The following KCTD8 variants were observed in gnomAD, a reference collection of about 807,000 sequenced individuals.
KCTD8 encodes BTB/POZ domain-containing protein KCTD8.
In KCTD8, 27 loss-of-function variants were observed where a neutral mutation model predicts 31.5. That is an observed-to-expected ratio of 0.86 (90% CI 0.63 to 1.18). KCTD8 has a LOEUF of 1.18. Ranked by LOEUF, KCTD8 falls within the 50% of genes most tolerant of loss-of-function variation. The pLI is 0.00. For synonymous variants in KCTD8, 290 were observed against 280.0 expected (o/e 1.04, Z -0.36); for missense variants, 658 against 647.7 (o/e 1.02, Z -0.17).
At chr4:44,263,338 A>G (rs1716239914) in intron 1 of KCTD8, among the ~76,000 whole-genome samples, 1 of 152,148 alleles carries the variant, frequency 6.6e-6, no homozygotes, top group Non-Finnish European at 1.5e-5. Context: ...TCTTTCAAAG[A>G]GAATAAAAGG....
At chr4:44,190,701 A>C (rs1462975587) in intron 1 of KCTD8, among the ~76,000 whole-genome samples, 2 of 152,094 alleles carry the variant, frequency 1.3e-5, no homozygotes, top group Admixed American at 6.5e-5. Flanking sequence ...TTTGGCCAAA[A>C]AGCTCTCAGA....
chr4:44,391,397 C>T (rs1322636215), intron 1 of KCTD8, among the ~76,000 whole-genome samples: 1 of 151,946 alleles, frequency 6.6e-6, no homozygotes, highest in African/African-American at 2.4e-5. Flanking sequence ...CCTCTTCCAA[C>T]TCTGTCACCC....
chr4:44,326,622 C>T (rs1394638835), intron 1 of KCTD8, among the ~76,000 whole-genome samples: 2 of 151,790 alleles, frequency 1.3e-5, no homozygotes, highest in African/African-American at 4.8e-5. Flanking sequence ...ACAAATATGT[C>T]TTTCTTCCTC....
chr4:44,439,116 T>C (rs1438399265), intron 1 of KCTD8, among the ~76,000 whole-genome samples: 2 of 152,164 alleles, frequency 1.3e-5, no homozygotes, highest in African/African-American at 2.4e-5. Flanking sequence ...AACACAGTAC[T>C]ACTCTCCCTA....
At chr4:44,360,855 CTTATGT>C (rs1719475613) in intron 1 of KCTD8, among the ~76,000 whole-genome samples, 1 of 151,918 alleles carries the variant, frequency 6.6e-6, no homozygotes, top group Non-Finnish European at 1.5e-5. Context: ...ATTTCATTTA[CTTATGT>C]TTATATTTCT....
chr4:44,300,131 T>C (rs1354443253), intron 1 of KCTD8, among the ~76,000 whole-genome samples: 1 of 152,116 alleles, frequency 6.6e-6, no homozygotes, highest in East Asian at 1.9e-4. Flanking sequence ...CAAAATAACC[T>C]ACAGAGGTGT....
intron 1 of KCTD8, among the ~76,000 whole-genome samples, chr4:44,391,730 C>A (rs577389912): frequency 4.1e-4 from 62 of 151,888 alleles, no homozygotes; most frequent in Middle Eastern, 3.4e-3. Flanking sequence ...AAGTTTTTGA[C>A]TGCATGGGGA....
chr4:44,403,239 A>G (rs1301756551), intron 1 of KCTD8, among the ~76,000 whole-genome samples: 1 of 152,144 alleles, frequency 6.6e-6, no homozygotes, highest in East Asian at 1.9e-4. Flanking sequence ...CAAACCTCTA[A>G]CAGTACTGTA....
intron 1 of KCTD8, among the ~76,000 whole-genome samples, chr4:44,264,969 GACAA>G (rs940057951): frequency 2.6e-5 from 4 of 152,202 alleles, no homozygotes; most frequent in Admixed American, 2.0e-4. Context: ...GCAGGGCACA[GACAA>G]ACAAAAAGAT....
At chr4:44,393,134 T>C (rs1248931772) in intron 1 of KCTD8, among the ~76,000 whole-genome samples, 2 of 151,960 alleles carry the variant, frequency 1.3e-5, no homozygotes, top group Non-Finnish European at 1.5e-5. Context: ...CATGTCAGCA[T>C]TGATTGTAGA....
chr4:44,415,079 G>A (rs1721042254), intron 1 of KCTD8, among the ~76,000 whole-genome samples: 1 of 152,168 alleles, frequency 6.6e-6, no homozygotes, highest in Non-Finnish European at 1.5e-5. Flanking sequence ...AAAGTTATTG[G>A]GAAGTGAAGT....
In KCTD8 at chr4:44,298,227, C is replaced by T. The variant is rs1035310958; in HGVS notation, c.962-122977G>A. 2.0e-5 allele frequency among the ~76,000 whole-genome samples: 3 copies of T among 152,082 alleles called. No individual in the cohort carries two copies. In the East Asian group the frequency reaches 5.8e-4, roughly 29 times the overall value. ...AGATAAGGATTTACAGCAAACTTCC[C>T]AGACATACTGAGGCTCAGACCCCTT... On this transcript the variant is annotated intron_variant, in intron 1 of 1. Coordinates refer to ENST00000360029, the MANE Select transcript of KCTD8 (RefSeq NM_198353.3).
At chr4:44,309,865 C>T (rs539475661) in intron 1 of KCTD8, among the ~76,000 whole-genome samples, 1 of 151,946 alleles carries the variant, frequency 6.6e-6, no homozygotes, top group Non-Finnish European at 1.5e-5. Context: ...CTAGTATTTT[C>T]GAACTAAAAT....
chr4:44,199,244 G>A (rs1369145676), intron 1 of KCTD8, among the ~76,000 whole-genome samples: 6 of 151,892 alleles, frequency 4.0e-5, no homozygotes, highest in Non-Finnish European at 5.9e-5. Flanking sequence ...AAATCATCAA[G>A]GCAGAAAACT....
chr4:44,235,556 TATATATATATATATATATA>T (rs1246763850), intron 1 of KCTD8, among the ~76,000 whole-genome samples: 85 of 90,530 alleles, frequency 9.4e-4, no homozygotes, highest in African/African-American at 1.5e-3. Context: ...TATATATATA[TATATATATATATATATATA>T]TTTAGAGAGA....
chr4:44,206,371 A>AT (rs1172943443), intron 1 of KCTD8, among the ~76,000 whole-genome samples: 1 of 152,176 alleles, frequency 6.6e-6, no homozygotes, highest in African/African-American at 2.4e-5. Context: ...AAAGGGCTTG[A>AT]TATCTATCCA....
chr4:44,422,912 T>C (rs1560451147), intron 1 of KCTD8, among the ~76,000 whole-genome samples: 1 of 152,104 alleles, frequency 6.6e-6, no homozygotes, highest in Non-Finnish European at 1.5e-5. Context: ...TTGTGGCTGC[T>C]GTTACTGATG....
intron 1 of KCTD8, among the ~76,000 whole-genome samples, chr4:44,360,214 C>T (rs2109429862): frequency 6.6e-6 from 1 of 151,742 alleles, no homozygotes; most frequent in African/African-American, 2.4e-5. Flanking sequence ...GCAGATTACC[C>T]CAACTGTTTT....
chr4:44,398,777 G>A lies in KCTD8; in HGVS notation c.961+48786C>T, dbSNP rs192970972. Among the ~76,000 whole-genome samples, 214 of 152,182 alleles carry A rather than the reference G, an allele frequency of 1.4e-3. 2 individuals are homozygous for A. The highest frequency in any genetic ancestry group is 2.7e-3 in the Non-Finnish European group (182 of 67,990). On this transcript the variant is annotated intron_variant, in intron 1 of 1. Coordinates refer to ENST00000360029, the MANE Select transcript of KCTD8 (RefSeq NM_198353.3). The stretch of plus-strand genomic sequence containing the variant: ...GCCAACTATGTGAAGAGCTAGGTAC[G>A]GCATACCCCACATGGAAGAAACAGC...
Sources: allele counts gnomAD v4.1 joint callset (sites outside exome capture counted in the v4.1 genomes callset), GRCh38; gene constraint gnomAD v4.1.1; transcripts MANE v1.5; gene names NCBI Gene and HGNC (gene_info 2026-07-23, HGNC 2026-07-21).